CAMTA1: variants seen among roughly 807,000 people sequenced by gnomAD.
CAMTA1 encodes calmodulin-binding transcription activator 1.
Under a neutral mutation model 170.9 loss-of-function variants are expected in CAMTA1, and 27 were observed. The ratio of observed to expected loss-of-function variants is 0.16; its 90% confidence interval spans 0.12 to 0.22. The LOEUF is 0.22. CAMTA1 is among the 10% of genes least tolerant of loss of function. The pLI is 1.00. For missense variants in CAMTA1, 1,619 were observed against 2,217.2 expected, an observed-to-expected ratio of 0.73 and a Z score of 5.42; for synonymous variants, 833 against 891.5, an observed-to-expected ratio of 0.93 and a Z score of 1.17.
chr1:7,605,309 C>T (rs1399981073), intron 6 of CAMTA1, among the ~76,000 whole-genome samples: 2 of 152,224 alleles, frequency 1.3e-5, no homozygotes, highest in Non-Finnish European at 2.9e-5. Flanking sequence ...AGGCAGGCCT[C>T]CTTGAGCTGC....
At chr1:7,130,172 CAA>C (rs1645169480) in intron 4 of CAMTA1, among the ~76,000 whole-genome samples, 1 of 152,146 alleles carries the variant, frequency 6.6e-6, no homozygotes, top group Non-Finnish European at 1.5e-5. Flanking sequence ...CTCCTGACAT[CAA>C]GTGATCCACC....
chr1:7,124,806 G>T (rs904227710), intron 4 of CAMTA1, among the ~76,000 whole-genome samples: 2 of 152,134 alleles, frequency 1.3e-5, no homozygotes, highest in African/African-American at 4.8e-5. Flanking sequence ...ATTTAACGTC[G>T]CCCTCCCCAA....
chr1:6,824,195 T>C (rs1211089141), intron 2 of CAMTA1, among the ~76,000 whole-genome samples: 1 of 152,194 alleles, frequency 6.6e-6, no homozygotes, highest in Non-Finnish European at 1.5e-5. Flanking sequence ...TTATGTAGCA[T>C]AAAAAGCCTG....
At position 7,570,095 on chromosome 1, in the gene CAMTA1, C is replaced by T. The variant is rs188948674; in HGVS notation, c.511-70305C>T. Among the ~76,000 whole-genome samples, 426 of 152,290 alleles carry T rather than the reference C, an allele frequency of 2.8e-3. 1 individual carries two copies. The highest frequency in any genetic ancestry group is 5.4e-3 in the African/African-American group (226 of 41,560). On this transcript the variant is annotated intron_variant, in intron 6 of 22. Coordinates refer to ENST00000303635, the MANE Select transcript of CAMTA1 (RefSeq NM_015215.4). This position sits in a 1 kb window ranked among gnomAD's most constrained non-coding sequence, Gnocchi z 4.3. Reference sequence around the variant, plus strand: ...TAGGGGTCCTGGGAGGCCTTGGGGCCGTCTTGCTTAATTCTACCGAGACCT... The same window carrying T: ...TAGGGGTCCTGGGAGGCCTTGGGGCTGTCTTGCTTAATTCTACCGAGACCT...
chr1:6,905,748 A>G (rs1439437515), intron 3 of CAMTA1, among the ~76,000 whole-genome samples: 1 of 152,174 alleles, frequency 6.6e-6, no homozygotes, highest in Non-Finnish European at 1.5e-5. Context: ...TCATGCAAGT[A>G]TCTGTCCTCA....
intron 4 of CAMTA1, among the ~76,000 whole-genome samples, chr1:7,230,525 G>A (rs1574057081): frequency 6.9e-6 from 1 of 145,450 alleles, no homozygotes; most frequent in South Asian, 2.1e-4. Flanking sequence ...CTGCCTCATC[G>A]CCCATCATCT....
intron 4 of CAMTA1, among the ~76,000 whole-genome samples, chr1:7,133,789 C>T (rs1645393545): frequency 6.6e-6 from 1 of 152,130 alleles, no homozygotes; most frequent in Non-Finnish European, 1.5e-5. Context: ...CCCATGTGGC[C>T]CTCTCAAATG....
chr1:7,543,804 G>A (rs951098244), intron 6 of CAMTA1, among the ~76,000 whole-genome samples: 1 of 150,652 alleles, frequency 6.6e-6, no homozygotes, highest in African/African-American at 2.4e-5. Context: ...GTGTGTTTAT[G>A]TAAAATTAAA....
At chr1:7,696,483 A>G (rs1576959369) in intron 11 of CAMTA1, among the ~76,000 whole-genome samples, 2 of 142,276 alleles carry the variant, frequency 1.4e-5, no homozygotes, top group South Asian at 4.7e-4. Context: ...CGTGAGCCAC[A>G]GTGCCCAGCC....
chr1:7,671,800 T>C (rs1188672736), intron 10 of CAMTA1, among the ~76,000 whole-genome samples: 4 of 152,198 alleles, frequency 2.6e-5, no homozygotes, highest in African/African-American at 9.7e-5. Context: ...GGTGTCCCTG[T>C]CTGGTCAACT....
At chr1:7,091,866 C>G (rs1641509178) in intron 4 of CAMTA1, among the ~76,000 whole-genome samples, 1 of 152,210 alleles carries the variant, frequency 6.6e-6, no homozygotes, top group African/African-American at 2.4e-5. Context: ...GTCCTTGAAC[C>G]TGCTAACTGC....
chr1:6,904,578 A>G (rs1677890973), intron 3 of CAMTA1, among the ~76,000 whole-genome samples: 1 of 145,970 alleles, frequency 6.9e-6, no homozygotes, highest in Admixed American at 6.9e-5. Flanking sequence ...TTTTTGAGAC[A>G]GAGTCTTCCT....
At chr1:7,472,872 G>A (rs944491516) in intron 6 of CAMTA1, among the ~76,000 whole-genome samples, 1 of 152,300 alleles carries the variant, frequency 6.6e-6, no homozygotes, top group Admixed American at 6.5e-5. Flanking sequence ...CGGGGACAAT[G>A]CCAGTTCACC....
chr1:6,793,047 T>C (rs1641576271), intron 1 of CAMTA1, among the ~76,000 whole-genome samples: 1 of 149,606 alleles, frequency 6.7e-6, no homozygotes, highest in Admixed American at 6.7e-5. Flanking sequence ...ACCCCACTCT[T>C]ATATATATAT....
rs977640746 is a variant in CAMTA1 at position 7,640,569 on chromosome 1, C to T, written c.664+16C>T. ...AAACCCATGTGTGAGTGGCCTTGGC[C>T]GGCCTGGCGCCCCCACGCTGGGAAC... On this transcript the variant is annotated intron_variant, in intron 7 of 22. Coordinates refer to ENST00000303635, the MANE Select transcript of CAMTA1 (RefSeq NM_015215.4). The T allele has an allele frequency of 8.7e-6, 14 of 1,613,844 alleles. No homozygotes were observed. Among genetic ancestry groups the T allele is most frequent in the South Asian group, 3.3e-5 (3 of 91,074 alleles).
intron 1 of CAMTA1, among the ~76,000 whole-genome samples, chr1:6,789,798 G>A (rs1160489226): frequency 7.2e-6 from 1 of 138,010 alleles, no homozygotes; most frequent in Non-Finnish European, 1.5e-5. Flanking sequence ...TGACATTTTA[G>A]TGTATCTTTT....
At chr1:7,087,257 G>A (rs1489533309) in intron 3 of CAMTA1, among the ~76,000 whole-genome samples, 1 of 152,226 alleles carries the variant, frequency 6.6e-6, no homozygotes, top group Non-Finnish European at 1.5e-5. Context: ...CCCGCTCTGT[G>A]TGTTGCTTTT....
At chr1:7,668,396 C>CACACAG (rs2096020318) in intron 9 of CAMTA1, among the ~76,000 whole-genome samples, 1 of 132,066 alleles carries the variant, frequency 7.6e-6, no homozygotes, top group Admixed American at 8.0e-5. Flanking sequence ...CCAACACACA[C>CACACAG]ACACACACAC....
intron 3 of CAMTA1, among the ~76,000 whole-genome samples, chr1:6,874,712 C>T (rs1296168536): frequency 1.3e-5 from 2 of 152,146 alleles, no homozygotes; most frequent in Admixed American, 1.3e-4. Flanking sequence ...AAGTTTAGAT[C>T]ACAAAGAGCT....
Sources: allele counts gnomAD v4.1 joint callset (sites outside exome capture counted in the v4.1 genomes callset), GRCh38; gene constraint gnomAD v4.1.1; non-coding constraint Gnocchi (gnomAD v3.1); transcripts MANE v1.5; gene names NCBI Gene and HGNC (gene_info 2026-07-23, HGNC 2026-07-21).